The following CIT variants were observed in gnomAD, a reference collection of about 807,000 sequenced individuals.
CIT encodes the protein citron Rho-interacting kinase.
Under a neutral mutation model 272.7 loss-of-function variants are expected in CIT, and 79 were observed. That is an observed-to-expected ratio of 0.29 (90% CI 0.24 to 0.35). The LOEUF (loss-of-function observed/expected upper bound fraction) is 0.35, where lower values mean the gene tolerates loss of function less well. CIT is among the 10% of genes least tolerant of loss of function. The pLI, the probability that CIT is intolerant of heterozygous loss-of-function variation, is 1.00. For synonymous variants in CIT, 948 were observed against 995.6 expected (o/e 0.95, Z 0.90); for missense variants, 1,909 against 2,618.3 (o/e 0.73, Z 5.91).
chr12:119,786,022 A>G (rs1477919855), intron 10 of CIT, among the ~76,000 whole-genome samples: 1 of 152,092 alleles, frequency 6.6e-6, no homozygotes, highest in African/African-American at 2.4e-5. Context: ...GTTCTGTTTG[A>G]ACGCTAGATA....
At position 119,857,630 on chromosome 12, in the gene CIT, C is replaced by T; in HGVS notation, c.307G>A (p.Val103Ile). Residue 103 changes from valine to isoleucine, a missense_variant, in exon 4 of 48, where the codon GTA becomes ATA. Val to Ile is a conservative substitution (Grantham distance 29). Around this residue, in one of 8 missense-constraint regions of CIT, gnomAD observed 529 missense variants for 549.6 expected, o/e 0.96. Transcript: ENST00000392521. ...SAKDFEVRSL[V>I]GCGHFAEVQV... ...ACTTCAGCAAAGTGACCACAACCTA[C>T]AAGACTTCTGACTTCGAAGTCCTTT... 1.2e-6 allele frequency: 2 copies of T among 1,614,196 alleles called. No individual in the cohort carries two copies. Among genetic ancestry groups the T allele is most frequent in the Non-Finnish European group, 1.7e-6 (2 of 1,180,032 alleles).
intron 28 of CIT, among the ~76,000 whole-genome samples, chr12:119,723,396 T>TAA (rs1565942859): frequency 4.5e-5 from 6 of 133,868 alleles, no homozygotes; most frequent in African/African-American, 8.9e-5. Flanking sequence ...TCCCTATACA[T>TAA]TAAAAAAAAA....
intron 9 of CIT, among the ~76,000 whole-genome samples, chr12:119,815,105 A>ACACACAAC (rs58388824): frequency 7.0e-6 from 1 of 143,102 alleles, no homozygotes; most frequent in African/African-American, 2.6e-5. Context: ...ACACACACAC[A>ACACACAAC]ACACACACAC....
chr12:119,688,135 A>AGCACGTGGGCGCTTGGG lies in CIT; in HGVS notation c.*80_*96dup. ...GCCCCGCTGAGCCAGAGGGTGGCTG[A>AGCACGTGGGCGCTTGGG]GCACGTGGGCGCTTGGGTCCCCATC... On this transcript the variant is annotated 3_prime_UTR_variant, in exon 48 of 48. Coordinates refer to ENST00000392521, the MANE Select transcript of CIT (RefSeq NM_001206999.2). 1.5e-6 allele frequency: 2 copies of AGCACGTGGGCGCTTGGG among 1,347,058 alleles called. No individual in the cohort carries two copies. Among genetic ancestry groups the AGCACGTGGGCGCTTGGG allele is most frequent in the Non-Finnish European group, 2.1e-6 (2 of 937,618 alleles). 83.4% of individuals were successfully genotyped at this position (1,347,058 alleles called of 1,614,324 possible).
At chr12:119,836,864 A>G (rs1969055557) in intron 5 of CIT, among the ~76,000 whole-genome samples, 1 of 152,240 alleles carries the variant, frequency 6.6e-6, no homozygotes, top group African/African-American at 2.4e-5. Context: ...TCAGAAAACA[A>G]GAGCCAGCTT....
At chr12:119,725,274 A>T (rs1402323912) in intron 28 of CIT, among the ~76,000 whole-genome samples, 1 of 151,768 alleles carries the variant, frequency 6.6e-6, no homozygotes, top group Non-Finnish European at 1.5e-5. Flanking sequence ...AATACAAAAA[A>T]ATTTAGCCGG....
At chr12:119,818,449 C>A (rs1360667368) in intron 9 of CIT, among the ~76,000 whole-genome samples, 3 of 152,198 alleles carry the variant, frequency 2.0e-5, no homozygotes, top group Non-Finnish European at 2.9e-5. Flanking sequence ...TATTGAGCAA[C>A]CATATTATAC....
chr12:119,726,925 G>A (rs2137187990), intron 28 of CIT, among the ~76,000 whole-genome samples: 1 of 152,318 alleles, frequency 6.6e-6, no homozygotes, highest in Middle Eastern at 3.4e-3. Flanking sequence ...TGCTTCAAAA[G>A]CAGGGCACAC....
At chr12:119,696,818 C>T (rs1956249738) in intron 46 of CIT, among the ~76,000 whole-genome samples, 1 of 152,124 alleles carries the variant, frequency 6.6e-6, no homozygotes, top group Non-Finnish European at 1.5e-5. Context: ...TGAGCCACCG[C>T]ACCACCTCCC....
chr12:119,766,751 T>A (rs1037379028), intron 19 of CIT, among the ~76,000 whole-genome samples: 1 of 151,628 alleles, frequency 6.6e-6, no homozygotes, highest in African/African-American at 2.4e-5. Context: ...CATAAATATA[T>A]ACACCTACTA....
intron 44 of CIT, chr12:119,699,720 GT>G: frequency 2.3e-6 from 1 of 441,400 alleles, no homozygotes; most frequent in Middle Eastern, 3.4e-4. Flanking sequence ...AGTTGTCCCA[GT>G]GGCCCTGCTG....
intron 41 of CIT, 87 bp from the exon 42 acceptor site, chr12:119,702,045 C>T (rs1956613816): frequency 1.1e-6 from 1 of 924,180 alleles, no homozygotes; most frequent in Admixed American, 1.9e-5. Flanking sequence ...CCTACAGCAT[C>T]TAGCCAAGCC....
At position 119,712,987 on chromosome 12, in the gene CIT, T is replaced by C; in HGVS notation, c.4579+216A>G. 1.7e-6 allele frequency: 1 copy of C among 600,056 alleles called. No homozygotes were observed. Among genetic ancestry groups the C allele is most frequent in the African/African-American group, 1.8e-5 (1 of 54,172 alleles). 37.2% of individuals were successfully genotyped at this position (600,056 alleles called of 1,614,324 possible). ...GGAAGGTGTATTAGCAGGTGGAATC[T>C]TCAGGGCAGCGCCCTGCGGGTTCTT... On this transcript the variant is annotated intron_variant, in intron 35 of 47. Transcript: ENST00000392521. This position sits in a 1 kb window ranked among gnomAD's most constrained non-coding sequence, Gnocchi z 5.2.
chr12:119,805,804 G>C (rs1445918351), intron 9 of CIT, among the ~76,000 whole-genome samples: 1 of 152,126 alleles, frequency 6.6e-6, no homozygotes, highest in East Asian at 1.9e-4. Context: ...ATGCGGTTAA[G>C]ATTAGAAAAA....
intron 16 of CIT, among the ~76,000 whole-genome samples, 198 bp from the exon 17 acceptor site, chr12:119,773,108 T>C (rs546364159): frequency 1.2e-4 from 18 of 152,146 alleles, no homozygotes; most frequent in Middle Eastern, 3.4e-3. Flanking sequence ...CACAATCATT[T>C]AATTCTATAT....
At chr12:119,738,176 A>G (rs1166551596) in intron 24 of CIT, among the ~76,000 whole-genome samples, 1 of 152,188 alleles carries the variant, frequency 6.6e-6, no homozygotes, top group Non-Finnish European at 1.5e-5. Flanking sequence ...AAGAATCTAC[A>G]TTCTTGCCCC....
chr12:119,718,958 CAGG>C lies in CIT; in HGVS notation c.3841-100_3841-98del. ...CTCGGGAGGAGCAAACCACAAAAGCCAGGAGCATACTCACTGTAAGTGTATTTA... is the reference window on the plus strand; with the variant it reads ...CTCGGGAGGAGCAAACCACAAAAGCCAGCATACTCACTGTAAGTGTATTTA... On this transcript the variant is annotated intron_variant, in intron 30 of 47. Transcript: ENST00000392521. The surrounding 1 kb of genome is among the most constrained non-coding windows in gnomAD (Gnocchi z 4.8). The C allele has an allele frequency of 8.4e-7, 1 of 1,186,154 alleles. No individual in the cohort carries two copies. Among genetic ancestry groups the C allele is most frequent in the Non-Finnish European group, 1.2e-6 (1 of 818,556 alleles). 73.5% of individuals were successfully genotyped at this position (1,186,154 alleles called of 1,614,324 possible). A position where few individuals can be genotyped will look rare whatever the true frequency, so the allele number is the denominator to read the frequency against.
At chr12:119,814,378 C>A (rs1347500959) in intron 9 of CIT, among the ~76,000 whole-genome samples, 1 of 152,162 alleles carries the variant, frequency 6.6e-6, no homozygotes, top group Non-Finnish European at 1.5e-5. Flanking sequence ...ATTATAAGAG[C>A]TACTGACTAT....
At chr12:119,707,694 GT>G (rs1956953102) in intron 40 of CIT, among the ~76,000 whole-genome samples, 1 of 152,112 alleles carries the variant, frequency 6.6e-6, no homozygotes, top group South Asian at 2.1e-4. Flanking sequence ...TAGAGACAGG[GT>G]TTCACCATGT....
Sources: allele counts gnomAD v4.1 joint callset (sites outside exome capture counted in the v4.1 genomes callset), GRCh38; gene constraint gnomAD v4.1.1; regional missense constraint gnomAD v4.1.1; non-coding constraint Gnocchi (gnomAD v3.1); transcripts MANE v1.5; gene names NCBI Gene and HGNC (gene_info 2026-07-23, HGNC 2026-07-21).